The following ST6GALNAC3 variants were observed in gnomAD, a reference collection of about 807,000 sequenced individuals.
The protein encoded by ST6GALNAC3 is ST6 N-acetylgalactosaminide alpha-2,6-sialyltransferase 3, also known as alpha-N-acetylgalactosaminide alpha-2,6-sialyltransferase 3.
ST6GALNAC3 carries 25 observed loss-of-function variants against 32.7 expected under a neutral mutation model. That is an observed-to-expected ratio of 0.76 (90% CI 0.56 to 1.07). The LOEUF (loss-of-function observed/expected upper bound fraction) is 1.07. Ranked by LOEUF, ST6GALNAC3 falls within the 50% of genes least tolerant of loss-of-function variation. The pLI is 0.00. For missense variants in ST6GALNAC3, 355 were observed against 382.4 expected (o/e 0.93, Z 0.60); for synonymous variants, 129 against 133.1 (o/e 0.97, Z 0.21).
At chr1:76,557,325 T>C (rs550240866) in intron 3 of ST6GALNAC3, among the ~76,000 whole-genome samples, 7 of 152,232 alleles carry the variant, frequency 4.6e-5, no homozygotes, top group African/African-American at 1.7e-4. Flanking sequence ...TCCAACTTTT[T>C]TATCCTTTCA....
At chr1:76,417,091 A>G (rs1432021667) in intron 3 of ST6GALNAC3, among the ~76,000 whole-genome samples, 1 of 152,076 alleles carries the variant, frequency 6.6e-6, no homozygotes, top group Non-Finnish European at 1.5e-5. Context: ...CTTTTTAGTT[A>G]CTGTCTAAAA....
In ST6GALNAC3 at chr1:76,210,004, G is replaced by A. The variant is rs72998507; in HGVS notation, c.19-103801G>A. ...TTTCATTTTCCAACTAGTTTGGTTGGTCAGTGCCCATAACAGGTCCACTTG... is the reference window on the plus strand; with the variant it reads ...TTTCATTTTCCAACTAGTTTGGTTGATCAGTGCCCATAACAGGTCCACTTG... On this transcript the variant is annotated intron_variant, in intron 1 of 4. Transcript: ENST00000328299. 5.1e-4 allele frequency among the ~76,000 whole-genome samples: 78 copies of A among 151,818 alleles called. 1 individual carries two copies. The highest frequency in any genetic ancestry group is 1.9e-3 in the African/African-American group (78 of 41,402).
chr1:76,620,325 G>T (rs1648556526), intron 3 of ST6GALNAC3, among the ~76,000 whole-genome samples: 4 of 152,070 alleles, frequency 2.6e-5, no homozygotes, highest in Non-Finnish European at 4.4e-5. Flanking sequence ...CTAGACCAAA[G>T]AGTTTAAGAA....
In ST6GALNAC3 at chr1:76,550,946, G is replaced by A. The variant is rs1416211925; in HGVS notation, c.624-76506G>A. The stretch of plus-strand genomic sequence containing the variant: ...ATTTAATTTTTGTAGTTTTAGTAAA[G>A]ACAGGGTTTCACCACGTTTGCCAGT... On this transcript the variant is annotated intron_variant, in intron 3 of 4. Transcript: ENST00000328299. Among the ~76,000 whole-genome samples, 3 of 152,066 alleles carry A rather than the reference G, an allele frequency of 2.0e-5. No individual in the cohort carries two copies. In the South Asian group the frequency reaches 6.2e-4, roughly 32 times the overall value.
At chr1:76,111,273 T>G (rs1432376978) in intron 1 of ST6GALNAC3, among the ~76,000 whole-genome samples, 1 of 152,110 alleles carries the variant, frequency 6.6e-6, no homozygotes, top group Non-Finnish European at 1.5e-5. Flanking sequence ...AATAAAATAT[T>G]ACAGGCAGAG....
At chr1:76,499,127 A>T (rs759921992) in intron 3 of ST6GALNAC3, among the ~76,000 whole-genome samples, 1 of 152,220 alleles carries the variant, frequency 6.6e-6, no homozygotes, top group Non-Finnish European at 1.5e-5. Flanking sequence ...CCATGAAAAG[A>T]TGCTTAAACT....
intron 3 of ST6GALNAC3, among the ~76,000 whole-genome samples, chr1:76,463,612 T>C (rs1194930882): frequency 6.6e-6 from 1 of 152,188 alleles, no homozygotes; most frequent in Non-Finnish European, 1.5e-5. Context: ...AGCCAATTGT[T>C]GTACCCTGGG....
rs145359283 is a variant in ST6GALNAC3 at position 76,543,436 on chromosome 1, T to A, written c.624-84016T>A. Among the ~76,000 whole-genome samples, 875 of 152,346 alleles carry A rather than the reference T, an allele frequency of 5.7e-3. 7 individuals are homozygous for A. In the Middle Eastern group the frequency reaches 0.071, roughly 12 times the overall value. On this transcript the variant is annotated intron_variant, in intron 3 of 4. Transcript: ENST00000328299. The stretch of plus-strand genomic sequence containing the variant: ...ATTGGGATACTGTAGAGCCAGTTGG[T>A]GTATGGGCATGCCTTCACCTTAAAT...
chr1:76,296,095 C>T (rs894253664), intron 1 of ST6GALNAC3, among the ~76,000 whole-genome samples: 2 of 152,038 alleles, frequency 1.3e-5, no homozygotes, highest in African/African-American at 2.4e-5. Flanking sequence ...TGAGAAATGG[C>T]AGGTTACTAT....
At chr1:76,577,025 C>G (rs956491878) in intron 3 of ST6GALNAC3, 2 of 1,185,864 alleles carry the variant, frequency 1.7e-6, no homozygotes, top group African/African-American at 1.6e-5. Flanking sequence ...AAGATTGTGG[C>G]TTTGTGTAAA....
chr1:76,559,214 G>T (rs1243909984), intron 3 of ST6GALNAC3, among the ~76,000 whole-genome samples: 2 of 152,080 alleles, frequency 1.3e-5, no homozygotes, highest in East Asian at 3.9e-4. Flanking sequence ...TACCATAGAT[G>T]ACGGGAAGCT....
At chr1:76,205,357 T>A (rs1265792830) in intron 1 of ST6GALNAC3, among the ~76,000 whole-genome samples, 7 of 152,086 alleles carry the variant, frequency 4.6e-5, no homozygotes, top group Non-Finnish European at 1.0e-4. Flanking sequence ...ACCTTCCTGA[T>A]GGTGGGCAGG....
intron 1 of ST6GALNAC3, among the ~76,000 whole-genome samples, chr1:76,126,101 G>T (rs932909432): frequency 3.9e-5 from 6 of 152,094 alleles, no homozygotes; most frequent in Admixed American, 1.3e-4. Flanking sequence ...TCATTTCTTT[G>T]CCTTGAAAGA....
intron 1 of ST6GALNAC3, among the ~76,000 whole-genome samples, chr1:76,100,184 T>TA (rs1230176546): frequency 6.6e-6 from 1 of 152,164 alleles, no homozygotes; most frequent in Non-Finnish European, 1.5e-5. Context: ...TATCATTTGC[T>TA]AAAAATGGCA....
chr1:76,482,742 A>G (rs1202067892), intron 3 of ST6GALNAC3, among the ~76,000 whole-genome samples: 1 of 152,064 alleles, frequency 6.6e-6, no homozygotes, highest in Non-Finnish European at 1.5e-5. Context: ...TATTATTATT[A>G]TACTTTAAAT....
intron 3 of ST6GALNAC3, among the ~76,000 whole-genome samples, chr1:76,511,539 C>T (rs1661863304): frequency 6.6e-6 from 1 of 152,170 alleles, no homozygotes; most frequent in South Asian, 2.1e-4. Context: ...CTCTGTTCTC[C>T]CCGGTAGGTT....
chr1:76,554,924 A>G (rs1344368013), intron 3 of ST6GALNAC3, among the ~76,000 whole-genome samples: 3 of 152,208 alleles, frequency 2.0e-5, no homozygotes, highest in Non-Finnish European at 4.4e-5. Context: ...AACACATGGT[A>G]GGTAATAGGT....
chr1:76,562,461 T>C (rs1444273006), intron 3 of ST6GALNAC3, among the ~76,000 whole-genome samples: 1 of 152,122 alleles, frequency 6.6e-6, no homozygotes, highest in Non-Finnish European at 1.5e-5. Context: ...GATGTGGTGG[T>C]AACTAGGCAC....
intron 3 of ST6GALNAC3, among the ~76,000 whole-genome samples, chr1:76,464,814 T>C (rs1389085064): frequency 6.6e-6 from 1 of 152,124 alleles, no homozygotes; most frequent in Non-Finnish European, 1.5e-5. Context: ...AGAATGTAGG[T>C]GACTTTCCCA....
Sources: allele counts gnomAD v4.1 joint callset (sites outside exome capture counted in the v4.1 genomes callset), GRCh38; gene constraint gnomAD v4.1.1; transcripts MANE v1.5; gene names NCBI Gene and HGNC (gene_info 2026-07-23, HGNC 2026-07-21).